The following HYCC2 variants were observed in gnomAD, a reference collection of about 807,000 sequenced individuals.
The protein encoded by HYCC2 is hyccin PI4KA lipid kinase complex subunit 2.
At chr2:200,974,438 A>G in the HYCC2 span, 1 of 152,040 alleles carries the variant, frequency 6.6e-6, no homozygotes, top group Non-Finnish European at 1.5e-5. Flanking sequence ...AACCACTTAA[A>G]CTGAATGTAA....
chr2:201,009,331 A>G, the HYCC2 span: 673 of 337,918 alleles, frequency 2.0e-3, 5 homozygotes, highest in African/African-American at 0.013. Flanking sequence ...TAATAAATCT[A>G]TATTTAAGAG....
At chr2:201,025,962 C>A in the HYCC2 span, among the ~76,000 whole-genome samples, 2 of 152,066 alleles carry the variant, frequency 1.3e-5, no homozygotes, top group Non-Finnish European at 2.9e-5. Flanking sequence ...TCACACATAA[C>A]AATATTAACC....
the HYCC2 span, chr2:200,981,702 T>A: frequency 6.2e-7 from 1 of 1,614,162 alleles, no homozygotes; most frequent in Non-Finnish European, 8.5e-7. This position sits in a 1 kb window ranked among gnomAD's most constrained non-coding sequence, Gnocchi z 4.5. Flanking sequence ...AGGCTGTTTC[T>A]TTATCCTTGG....
At chr2:201,069,993 C>CA in the HYCC2 span, among the ~76,000 whole-genome samples, 3 of 152,174 alleles carry the variant, frequency 2.0e-5, no homozygotes. Context: ...GCTGACACTA[C>CA]ATTAGACCTT....
At chr2:200,989,641 C>T in the HYCC2 span, among the ~76,000 whole-genome samples, 1 of 151,742 alleles carries the variant, frequency 6.6e-6, no homozygotes, top group East Asian at 1.9e-4. Flanking sequence ...GGTGAGATCT[C>T]GTCTCCACAA....
the HYCC2 span, chr2:200,997,077 A>C: frequency 6.3e-6 from 1 of 159,364 alleles, no homozygotes; most frequent in Non-Finnish European, 1.4e-5. Context: ...AAACCTGGGC[A>C]ACATAGCAAG....
chr2:200,989,300 T>G, the HYCC2 span, among the ~76,000 whole-genome samples: 1 of 152,166 alleles, frequency 6.6e-6, no homozygotes, highest in East Asian at 1.9e-4. Flanking sequence ...TTTACAAGAT[T>G]GTTGAAAGGA....
the HYCC2 span, among the ~76,000 whole-genome samples, chr2:201,044,712 A>G: frequency 6.6e-6 from 1 of 152,146 alleles, no homozygotes; most frequent in African/African-American, 2.4e-5. Flanking sequence ...GCTTGCTACT[A>G]TTATTATTAT....
the HYCC2 span, among the ~76,000 whole-genome samples, chr2:201,038,120 C>T: frequency 3.2e-4 from 49 of 152,190 alleles, no homozygotes; most frequent in Non-Finnish European, 6.2e-4. Context: ...GACATTTATG[C>T]AGCCAAAAGA....
the HYCC2 span, among the ~76,000 whole-genome samples, chr2:201,002,499 A>G: frequency 6.6e-6 from 1 of 152,138 alleles, no homozygotes. Flanking sequence ...TAATTTGACA[A>G]TATCTACTCC....
At chr2:201,029,148 A>T in the HYCC2 span, among the ~76,000 whole-genome samples, 1 of 152,350 alleles carries the variant, frequency 6.6e-6, no homozygotes, top group African/African-American at 2.4e-5. Flanking sequence ...CGGGCAAAGC[A>T]TATGAACAGA....
the HYCC2 span, chr2:201,021,910 C>A: frequency 2.5e-6 from 1 of 398,622 alleles, no homozygotes; most frequent in Non-Finnish European, 4.9e-6. Flanking sequence ...CCTGCAATTG[C>A]TGCTACAAAT....
At chr2:201,016,820 G>A in the HYCC2 span, among the ~76,000 whole-genome samples, 11 of 151,766 alleles carry the variant, frequency 7.2e-5, no homozygotes, top group Non-Finnish European at 1.5e-4. Context: ...GGCTGGTCTC[G>A]AACTCCTGAC....
the HYCC2 span, among the ~76,000 whole-genome samples, chr2:201,006,423 G>A: frequency 6.6e-6 from 1 of 151,752 alleles, no homozygotes; most frequent in Non-Finnish European, 1.5e-5. Flanking sequence ...TTACAGGCAT[G>A]AGCCGCACCT....
chr2:201,019,311 G>A, the HYCC2 span, among the ~76,000 whole-genome samples: 1 of 152,090 alleles, frequency 6.6e-6, no homozygotes, highest in Non-Finnish European at 1.5e-5. Context: ...CAGGTACACT[G>A]GCATGTGGGA....
chr2:201,062,508 C>T, the HYCC2 span, among the ~76,000 whole-genome samples: 2 of 151,952 alleles, frequency 1.3e-5, no homozygotes, highest in East Asian at 1.9e-4. Context: ...ATTAGCCAGG[C>T]GTGGTGGTGG....
the HYCC2 span, among the ~76,000 whole-genome samples, chr2:201,039,940 C>T: frequency 1.3e-5 from 2 of 151,974 alleles, no homozygotes; most frequent in East Asian, 3.9e-4. Context: ...TTTGGGAGGC[C>T]GAGGTGGGCA....
the HYCC2 span, among the ~76,000 whole-genome samples, chr2:201,034,217 G>A: frequency 1.3e-5 from 2 of 152,176 alleles, no homozygotes; most frequent in African/African-American, 4.8e-5. Context: ...AATTTATTAA[G>A]TACTTTAAAA....
At chr2:201,033,723 T>C in the HYCC2 span, among the ~76,000 whole-genome samples, 3 of 138,586 alleles carry the variant, frequency 2.2e-5, no homozygotes, top group South Asian at 4.1e-4. Flanking sequence ...TTGTTGTATA[T>C]AGAGAGCGGG....
Sources: allele counts gnomAD v4.1 joint callset (sites outside exome capture counted in the v4.1 genomes callset), GRCh38; gene constraint gnomAD v4.1.1; non-coding constraint Gnocchi (gnomAD v3.1); transcripts MANE v1.5; gene names NCBI Gene and HGNC (gene_info 2026-07-23, HGNC 2026-07-21).